Variants in GRIN3A observed in about 807,000 individuals in gnomAD.
GRIN3A encodes the protein glutamate receptor ionotropic, NMDA 3A.
Under a neutral mutation model 92.4 loss-of-function variants are expected in GRIN3A, and 47 were observed. The ratio of observed to expected loss-of-function variants is 0.51; its 90% CI spans 0.40 to 0.65. The LOEUF (loss-of-function observed/expected upper bound fraction) is 0.65, where lower values mean the gene tolerates loss of function less well. Among genes scored for constraint, GRIN3A ranks in the 30% least tolerant of loss-of-function variants. The pLI, the probability that GRIN3A is intolerant of heterozygous loss-of-function variation, is 0.00. For missense variants in GRIN3A, 1,324 were observed against 1,393.1 expected (o/e 0.95, Z 0.79); for synonymous variants, 527 against 540.6 (o/e 0.97, Z 0.35).
chr9:101,689,765 C>A (rs1829590783), intron 1 of GRIN3A, among the ~76,000 whole-genome samples: 2 of 151,142 alleles, frequency 1.3e-5, no homozygotes, highest in Non-Finnish European at 1.5e-5. Flanking sequence ...CACACACACA[C>A]ACACACACAA....
chr9:101,626,978 C>T (rs1282527787), intron 4 of GRIN3A, among the ~76,000 whole-genome samples: 1 of 152,210 alleles, frequency 6.6e-6, no homozygotes, highest in East Asian at 1.9e-4. Context: ...TACGTGAATG[C>T]CCTGAGTGGA....
intron 1 of GRIN3A, among the ~76,000 whole-genome samples, chr9:101,707,321 A>G (rs1829825641): frequency 6.6e-6 from 1 of 152,228 alleles, no homozygotes; most frequent in Non-Finnish European, 1.5e-5. Flanking sequence ...ATTTACTATC[A>G]CCAATTATTG....
intron 1 of GRIN3A, among the ~76,000 whole-genome samples, chr9:101,710,082 C>T (rs965694959): frequency 6.6e-6 from 1 of 151,802 alleles, no homozygotes; most frequent in Admixed American, 6.6e-5. Flanking sequence ...TTTTGGGGTC[C>T]GGGAGAAGAA....
intron 5 of GRIN3A, among the ~76,000 whole-genome samples, chr9:101,617,583 A>G (rs1407304424): frequency 6.6e-6 from 1 of 152,014 alleles, no homozygotes; most frequent in East Asian, 1.9e-4. Context: ...GTTTAAATAC[A>G]TGTATTGAAT....
intron 6 of GRIN3A, among the ~76,000 whole-genome samples, chr9:101,600,680 C>G (rs1429804104): frequency 2.6e-5 from 4 of 151,998 alleles, no homozygotes. Context: ...AGGAACAAAA[C>G]AAGTAGGAGG....
In GRIN3A at chr9:101,573,446, T is replaced by C; in HGVS notation, c.3076A>G (p.Lys1026Glu). Residue 1026 changes from lysine to glutamate, a missense_variant, in exon 9 of 9, where the codon AAA becomes GAA. Transcript: ENST00000361820. ...CCTTCCTCATCACTAAAGATGTATT[T>C]CCGTCGGTTGTCATGACTCAGATTG... ...TSNLSHDNRR[K>E]YIFSDEEGQN... 1 of 1,614,070 alleles carries C rather than the reference T, an allele frequency of 6.2e-7. No homozygotes were observed. The highest frequency in any genetic ancestry group is 8.5e-7 in the Non-Finnish European group (1 of 1,179,978).
At chr9:101,728,076 G>C (rs10116272) in intron 1 of GRIN3A, among the ~76,000 whole-genome samples, 1,685 of 152,080 alleles carry the variant, frequency 0.011, 35 homozygotes, top group African/African-American at 0.039. Context: ...TTTGTTTAAA[G>C]GAATCTCTGT....
intron 3 of GRIN3A, among the ~76,000 whole-genome samples, chr9:101,636,363 C>A (rs1828785674): frequency 1.3e-5 from 2 of 152,166 alleles, no homozygotes. Context: ...CTCCTTCATT[C>A]CAGGCACTGT....
chr9:101,721,446 A>G (rs531467245), intron 1 of GRIN3A, among the ~76,000 whole-genome samples: 1 of 152,236 alleles, frequency 6.6e-6, no homozygotes, highest in South Asian at 2.1e-4. Flanking sequence ...GTACCAGTAG[A>G]GTGGGGCGTT....
intron 1 of GRIN3A, among the ~76,000 whole-genome samples, chr9:101,691,581 A>G (rs1260302901): frequency 1.3e-5 from 2 of 152,204 alleles, no homozygotes; most frequent in Non-Finnish European, 2.9e-5. Context: ...CTAAAAATGT[A>G]GTCTCATTTT....
At chr9:101,659,022 A>G (rs1829132907) in intron 3 of GRIN3A, among the ~76,000 whole-genome samples, 1 of 151,846 alleles carries the variant, frequency 6.6e-6, no homozygotes, top group African/African-American at 2.4e-5. Context: ...ATTTATTTAC[A>G]CTGTGCCTGT....
At position 101,630,064 on chromosome 9, in the gene GRIN3A, C is replaced by T. The variant is rs139036002; in HGVS notation, c.2353-1663G>A. 9.2e-5 allele frequency among the ~76,000 whole-genome samples: 14 copies of T among 152,320 alleles called. No individual in the cohort carries two copies. In the East Asian group the frequency reaches 1.5e-3, roughly 17 times the overall value. The stretch of plus-strand genomic sequence containing the variant: ...TAGCAAATTGCAGTCGTATGGCTTG[C>T]GCAAGGCACATTTATCAGCATTGTC... On this transcript the variant is annotated intron_variant, in intron 3 of 8. Coordinates refer to ENST00000361820, the MANE Select transcript of GRIN3A (RefSeq NM_133445.3).
intron 5 of GRIN3A, among the ~76,000 whole-genome samples, chr9:101,615,167 T>C (rs1360521365): frequency 6.6e-6 from 1 of 150,860 alleles, no homozygotes; most frequent in Non-Finnish European, 1.5e-5. Context: ...ATTAGCTACA[T>C]TTTGTTTTAG....
chr9:101,629,199 A>T (rs900741159), intron 3 of GRIN3A, among the ~76,000 whole-genome samples: 1 of 152,168 alleles, frequency 6.6e-6, no homozygotes, highest in Non-Finnish European at 1.5e-5. Flanking sequence ...AGTGGAAAAA[A>T]GCTTTCATAT....
Position 101,738,034 on chromosome 9 carries a change from T to G in GRIN3A, c.-55A>C. The G allele has an allele frequency of 7.0e-7, 1 of 1,434,560 alleles. No homozygotes were observed. The highest frequency in any genetic ancestry group is 9.5e-7 in the Non-Finnish European group (1 of 1,056,580). The allele number at this position is 1,434,560 out of a possible 1,614,324, so 88.9% of individuals were successfully genotyped here. A position where few individuals can be genotyped will look rare whatever the true frequency, so the allele number is the denominator to read the frequency against. ...CCCTCCTGCGCCCGGCTCGCCCCTC[T>G]GCAGCCGCTGCCTGAGGTCTCCGCC... On this transcript the variant is annotated 5_prime_UTR_variant, in exon 1 of 9. Coordinates refer to ENST00000361820, the MANE Select transcript of GRIN3A (RefSeq NM_133445.3).
chr9:101,582,411 G>A (rs1034012854), intron 6 of GRIN3A, among the ~76,000 whole-genome samples: 5 of 152,182 alleles, frequency 3.3e-5, no homozygotes, highest in Admixed American at 3.3e-4. Flanking sequence ...GGAAAATTGG[G>A]CAGATGACTT....
chr9:101,711,947 C>A (rs991353787), intron 1 of GRIN3A, among the ~76,000 whole-genome samples: 1 of 152,174 alleles, frequency 6.6e-6, no homozygotes, highest in African/African-American at 2.4e-5. Context: ...TGAACCTGAG[C>A]TCTTTAGGGT....
chr9:101,712,083 T>G (rs1829885892), intron 1 of GRIN3A, among the ~76,000 whole-genome samples: 1 of 152,202 alleles, frequency 6.6e-6, no homozygotes, highest in Non-Finnish European at 1.5e-5. Flanking sequence ...AGTCTCTTGT[T>G]CTTTCCTCAG....
chr9:101,664,913 A>G (rs1829219011), intron 3 of GRIN3A, among the ~76,000 whole-genome samples: 1 of 151,986 alleles, frequency 6.6e-6, no homozygotes, highest in Non-Finnish European at 1.5e-5. Flanking sequence ...ATACGTAGCC[A>G]GGGCTCAACT....
Sources: gnomAD v4.1 joint callset for allele counts (sites outside exome capture counted in the v4.1 genomes callset) on GRCh38, gnomAD v4.1.1 for gene constraint, MANE v1.5 for transcripts, NCBI Gene and HGNC (gene_info 2026-07-23, HGNC 2026-07-21) for gene names.